CFAP20DC: variants seen among roughly 807,000 people sequenced by gnomAD.
CFAP20DC encodes CFAP20 domain containing.
Under a neutral mutation model 101.7 loss-of-function variants are expected in CFAP20DC, and 84 were observed. That is an observed-to-expected ratio of 0.83 (90% CI 0.69 to 0.99). CFAP20DC has a LOEUF of 0.99. CFAP20DC is among the 50% of genes least tolerant of loss of function. The pLI is 0.00. For synonymous variants in CFAP20DC, 359 were observed against 351.2 expected (o/e 1.02, Z -0.25); for missense variants, 1,007 against 970.3 (o/e 1.04, Z -0.50).
At chr3:58,904,378 C>T in intron 6 of CFAP20DC, among the ~76,000 whole-genome samples, 1 of 151,902 alleles carries the variant, frequency 6.6e-6, no homozygotes, top group Admixed American at 6.6e-5. Flanking sequence ...ATTCATGACC[C>T]ATTTTTGGTG....
chr3:58,991,637 C>T (rs547389613), intron 4 of CFAP20DC, among the ~76,000 whole-genome samples: 2 of 152,228 alleles, frequency 1.3e-5, no homozygotes, highest in East Asian at 3.9e-4. Context: ...ACTGTTCCAC[C>T]TGAGATCTCA....
At chr3:58,810,027 C>G (rs1389943921) in intron 14 of CFAP20DC, among the ~76,000 whole-genome samples, 1 of 152,124 alleles carries the variant, frequency 6.6e-6, no homozygotes, top group Non-Finnish European at 1.5e-5. Context: ...TCTGAATAGA[C>G]CAATAACAGG....
chr3:58,897,845 G>A lies in CFAP20DC; in HGVS notation c.551-13136C>T, dbSNP rs1276421587. Among the ~76,000 whole-genome samples the A allele has an allele frequency of 1.3e-5, 2 of 152,114 alleles. No individual in the cohort carries two copies. Among genetic ancestry groups the A allele is most frequent in the African/African-American group, 4.8e-5 (2 of 41,414 alleles). On this transcript the variant is annotated intron_variant, in intron 6 of 16. Coordinates refer to ENST00000482387, the MANE Select transcript of CFAP20DC (RefSeq NM_001394063.1). The surrounding 1 kb of genome is among the most constrained non-coding windows in gnomAD (Gnocchi z 4.4). The stretch of plus-strand genomic sequence containing the variant: ...TCATTTTGACCTTGGAGAATCTGAC[G>A]ATTATGTGCCTTGGCATTGATCGTC...
At chr3:58,760,607 T>C (rs1277341101) in intron 15 of CFAP20DC, among the ~76,000 whole-genome samples, 3 of 152,222 alleles carry the variant, frequency 2.0e-5, no homozygotes, top group Non-Finnish European at 2.9e-5. Flanking sequence ...ATCCCTGTCT[T>C]GGGCCAGTTT....
intron 15 of CFAP20DC, among the ~76,000 whole-genome samples, chr3:58,793,211 A>G (rs2072993187): frequency 6.6e-6 from 1 of 152,150 alleles, no homozygotes; most frequent in African/African-American, 2.4e-5. Flanking sequence ...TTTCACACCA[A>G]GCTGCCTTCT....
In CFAP20DC at chr3:58,989,885, A is replaced by G. The variant is rs774140121; in HGVS notation, c.278+49672T>C. Among the ~76,000 whole-genome samples the G allele has an allele frequency of 2.4e-4, 37 of 152,206 alleles. 1 individual carries two copies. Among genetic ancestry groups the G allele is most frequent in the Non-Finnish European group, 3.4e-4 (23 of 68,012 alleles). On this transcript the variant is annotated intron_variant, in intron 4 of 16. Coordinates refer to ENST00000482387, the MANE Select transcript of CFAP20DC (RefSeq NM_001394063.1). ...AAGCACAAGACAAGGCATGAGCTAT[A>G]GCAGAAACAGAAAAAATCATGACCT...
At chr3:58,838,430 A>G (rs1285634256) in intron 13 of CFAP20DC, among the ~76,000 whole-genome samples, 1 of 152,178 alleles carries the variant, frequency 6.6e-6, no homozygotes, top group Non-Finnish European at 1.5e-5. Flanking sequence ...GGCTCAACTC[A>G]TACTTCATTA....
At chr3:58,717,255 TTGCTGGCTTGC>T, downstream of CFAP20DC, 1 of 179,782 alleles carries the variant, frequency 5.6e-6, no homozygotes, top group Non-Finnish European at 1.2e-5. The surrounding 1 kb of genome is among the most constrained non-coding windows in gnomAD (Gnocchi z 4.1). Context: ...TGAAGGTGTA[TTGCTGGCTTGC>T]CAATTGAGAG....
Position 58,868,454 on chromosome 3 carries a change from AT to A in CFAP20DC, c.1016-519del, listed in dbSNP as rs1474307190. ...CCTGAATGCTTAATTTCTTGGTGCA[AT>A]ATGATACACTTAACTGGCTTTTCCC... On this transcript the variant is annotated intron_variant, in intron 9 of 16. Coordinates refer to ENST00000482387, the MANE Select transcript of CFAP20DC (RefSeq NM_001394063.1). The surrounding 1 kb of genome is among the most constrained non-coding windows in gnomAD (Gnocchi z 4.6). Among the ~76,000 whole-genome samples the A allele has an allele frequency of 2.0e-5, 3 of 152,164 alleles. No individual in the cohort carries two copies. The highest frequency in any genetic ancestry group is 4.4e-5 in the Non-Finnish European group (3 of 67,990).
intron 16 of CFAP20DC, among the ~76,000 whole-genome samples, chr3:58,747,303 T>A (rs540593316): frequency 6.6e-6 from 1 of 152,320 alleles, no homozygotes; most frequent in Non-Finnish European, 1.5e-5. Flanking sequence ...CCAGACCAAA[T>A]GCAGCAATAC....
chr3:58,950,112 T>C (rs962497925), intron 4 of CFAP20DC, among the ~76,000 whole-genome samples: 4 of 152,150 alleles, frequency 2.6e-5, no homozygotes, highest in Non-Finnish European at 2.9e-5. Flanking sequence ...TCACAAGCAT[T>C]CTTATACACC....
At position 58,874,670 on chromosome 3, in the gene CFAP20DC, T is replaced by C. The variant is rs567923456; in HGVS notation, c.716-4361A>G. On this transcript the variant is annotated intron_variant, in intron 7 of 16. Transcript: ENST00000482387. This position sits in a 1 kb window ranked among gnomAD's most constrained non-coding sequence, Gnocchi z 5.1. ...CCTTTATGCCTCAGTTCACATATCA[T>C]TTCCTCAGACAAGTCTTTGCAGACC... Among the ~76,000 whole-genome samples the C allele has an allele frequency of 3.9e-5, 6 of 152,198 alleles. No homozygotes were observed. Among genetic ancestry groups the C allele is most frequent in the Admixed American group, 2.0e-4 (3 of 15,274 alleles).
At chr3:58,811,510 A>T (rs963864887) in intron 14 of CFAP20DC, among the ~76,000 whole-genome samples, 67 of 152,276 alleles carry the variant, frequency 4.4e-4, no homozygotes, top group African/African-American at 1.4e-3. Context: ...ATATGTAGAA[A>T]GTTGAAACTG....
At chr3:58,809,738 G>A (rs552772532) in intron 14 of CFAP20DC, among the ~76,000 whole-genome samples, 5 of 152,004 alleles carry the variant, frequency 3.3e-5, no homozygotes, top group South Asian at 2.1e-4. Flanking sequence ...CACAAAAAAC[G>A]CTTTCAAAAA....
At chr3:58,870,421 T>C (rs1576039878) in intron 7 of CFAP20DC, 112 bp from the exon 8 acceptor site, 5 of 975,160 alleles carry the variant, frequency 5.1e-6, no homozygotes, top group Non-Finnish European at 7.8e-6. Context: ...AAATCCCCCC[T>C]CCCCCCTCAG....
chr3:58,915,667 G>A (rs151127669), intron 5 of CFAP20DC, among the ~76,000 whole-genome samples: 4 of 152,112 alleles, frequency 2.6e-5, no homozygotes, highest in South Asian at 2.1e-4. Flanking sequence ...GGCTCATGGT[G>A]GGTATGTGGG....
At chr3:58,991,605 G>T (rs895641819) in intron 4 of CFAP20DC, among the ~76,000 whole-genome samples, 1 of 152,132 alleles carries the variant, frequency 6.6e-6, no homozygotes, top group Non-Finnish European at 1.5e-5. Context: ...GTAGTACAGG[G>T]AGGGGATGGT....
chr3:59,001,480 G>A lies in CFAP20DC; in HGVS notation c.278+38077C>T, dbSNP rs114738325. ...AGTGCAATGGCTCAATCTCAGCCTC[G>A]ATCTCACCCCAACCTCCGCCTCCCA... On this transcript the variant is annotated intron_variant, in intron 4 of 16. Transcript: ENST00000482387. This position sits in a 1 kb window ranked among gnomAD's most constrained non-coding sequence, Gnocchi z 4.5. Among the ~76,000 whole-genome samples, 1,300 of 151,950 alleles carry A rather than the reference G, an allele frequency of 8.6e-3. 22 individuals carry two copies. The highest frequency in any genetic ancestry group is 0.029 in the African/African-American group (1,219 of 41,446).
chr3:58,826,068 T>G (rs1254451908), intron 14 of CFAP20DC, among the ~76,000 whole-genome samples: 2 of 152,196 alleles, frequency 1.3e-5, no homozygotes, highest in East Asian at 3.9e-4. Flanking sequence ...GACTGCAATG[T>G]GTGTGAAGTC....
Sources: allele counts gnomAD v4.1 joint callset (sites outside exome capture counted in the v4.1 genomes callset), GRCh38; gene constraint gnomAD v4.1.1; non-coding constraint Gnocchi (gnomAD v3.1); transcripts MANE v1.5; gene names NCBI Gene and HGNC (gene_info 2026-07-23, HGNC 2026-07-21).